Variants in ARID1A observed in about 807,000 individuals in gnomAD.
ARID1A encodes the protein AT-rich interaction domain 1A, also known as AT-rich interactive domain-containing protein 1A.
Under a neutral mutation model 212.6 loss-of-function variants are expected in ARID1A, and 20 were observed. The ratio of observed to expected loss-of-function variants is 0.09; its 90% confidence interval spans 0.07 to 0.14. The LOEUF (loss-of-function observed/expected upper bound fraction) is 0.14. Ranked by LOEUF, ARID1A falls within the 10% of genes least tolerant of loss-of-function variation. The pLI, the probability that ARID1A is intolerant of heterozygous loss-of-function variation, is 1.00. For missense variants in ARID1A, 2,587 were observed against 3,059.0 expected, an observed-to-expected ratio of 0.85 and a Z score of 3.64; for synonymous variants, 1,376 against 1,222.1, an observed-to-expected ratio of 1.13 and a Z score of -2.63.
intron 4 of ARID1A, among the ~76,000 whole-genome samples, chr1:26,737,995 C>T (rs145895295): frequency 5.3e-5 from 8 of 152,134 alleles, no homozygotes; most frequent in East Asian, 3.9e-4. Flanking sequence ...AGATCTATTC[C>T]AGACTGTATG....
chr1:26,710,010 T>G (rs1023341298), intron 1 of ARID1A, among the ~76,000 whole-genome samples: 9 of 151,162 alleles, frequency 6.0e-5, no homozygotes, highest in Non-Finnish European at 1.3e-4. Context: ...TTTTGTATTT[T>G]TAGTAGAGAC....
chr1:26,698,961 T>G (rs761392407), intron 1 of ARID1A, among the ~76,000 whole-genome samples: 10 of 152,352 alleles, frequency 6.6e-5, no homozygotes, highest in Non-Finnish European at 1.2e-4. Context: ...CACTTTCTTT[T>G]GTTAATTGAA....
chr1:26,701,837 T>C (rs1267100791), intron 1 of ARID1A, among the ~76,000 whole-genome samples: 1 of 152,242 alleles, frequency 6.6e-6, no homozygotes, highest in Non-Finnish European at 1.5e-5. Flanking sequence ...TCTACCAGAC[T>C]GTTGCCTTGA....
At position 26,771,450 on chromosome 1, in the gene ARID1A, T is replaced by A; in HGVS notation, c.3406+124T>A. ...CAAGGATCTGTGCTCTGCCTTGCCC[T>A]ACCACAGGGCTTAACAGGTTGGCTG... On this transcript the variant is annotated intron_variant, in intron 12 of 19. Transcript: ENST00000324856. This position sits in a 1 kb window ranked among gnomAD's most constrained non-coding sequence, Gnocchi z 5.4. 1.8e-6 allele frequency: 2 copies of A among 1,097,858 alleles called. No individual in the cohort carries two copies. Among genetic ancestry groups the A allele is most frequent in the Non-Finnish European group, 2.6e-6 (2 of 768,072 alleles). 68.0% of individuals were successfully genotyped at this position (1,097,858 alleles called of 1,614,324 possible).
intron 4 of ARID1A, among the ~76,000 whole-genome samples, chr1:26,749,245 G>C (rs540969652): frequency 2.6e-5 from 4 of 152,220 alleles, no homozygotes; most frequent in Admixed American, 6.5e-5. Flanking sequence ...GTGTAGCTTT[G>C]GCTCTCTCTT....
chr1:26,739,557 T>C (rs2124800554), intron 4 of ARID1A, among the ~76,000 whole-genome samples: 1 of 152,320 alleles, frequency 6.6e-6, no homozygotes, highest in South Asian at 2.1e-4. Context: ...AGAATAATAG[T>C]GGTGATTTAC....
In ARID1A at chr1:26,781,996, TTCC is replaced by T. The variant is rs1197324707; in HGVS notation, c.*1245_*1247del. On this transcript the variant is annotated 3_prime_UTR_variant, in exon 20 of 20. Coordinates refer to ENST00000324856, the MANE Select transcript of ARID1A (RefSeq NM_006015.6). ...CAATGTAGCTAAAACTTGATGTAAA[TTCC>T]TCCTTTTTTTCCTTTTTTGGCTTAA... is the stretch of plus-strand genomic sequence containing the variant. 8.6e-5 allele frequency: 20 copies of T among 233,242 alleles called. No individual in the cohort carries two copies. Among genetic ancestry groups the T allele is most frequent in the African/African-American group, 4.0e-4 (18 of 45,438 alleles). The allele number at this position is 233,242 out of a possible 1,614,324, so 14.4% of individuals were successfully genotyped here. A position where few individuals can be genotyped will look rare whatever the true frequency, so the allele number is the denominator to read the frequency against.
chr1:26,705,943 GT>G (rs1333825126), intron 1 of ARID1A, among the ~76,000 whole-genome samples: 1 of 152,202 alleles, frequency 6.6e-6, no homozygotes, highest in Admixed American at 6.5e-5. Context: ...ATGCTGCAGA[GT>G]AGGAAATTTG....
intron 2 of ARID1A, 74 bp from the exon 3 acceptor site, chr1:26,731,078 A>T: frequency 6.8e-7 from 1 of 1,461,826 alleles, no homozygotes; most frequent in Non-Finnish European, 9.5e-7. Flanking sequence ...ATCAGTGCAT[A>T]GCTTCTCACA....
chr1:26,738,950 C>T (rs1264156076), intron 4 of ARID1A, among the ~76,000 whole-genome samples: 1 of 146,770 alleles, frequency 6.8e-6, no homozygotes, highest in Non-Finnish European at 1.5e-5. Flanking sequence ...TACAGTGGTG[C>T]CATCTGGGCT....
intron 4 of ARID1A, among the ~76,000 whole-genome samples, chr1:26,735,296 A>C (rs980119485): frequency 1.4e-5 from 2 of 141,244 alleles, no homozygotes; most frequent in Non-Finnish European, 3.1e-5. Context: ...CAACTAATTT[A>C]TTTATTTATT....
rs2124096666 is a variant in ARID1A at position 26,771,119 on chromosome 1, G to C, written c.3199G>C (p.Val1067Leu). The stretch of plus-strand genomic sequence containing the variant: ...CGACTCCTTTGGTTTGGTTATACAG[G>C]TCAACAAGAACAAAAAATGGCGGGA... ...SVKEIGGLTQ[V>L]NKNKKWRELA... Residue 1067 changes from valine (V) to leucine (L), a missense_variant and splice_region_variant, in exon 12 of 20, where the codon GTC becomes CTC. This residue lies in a region of ARID1A where 44 missense variants were observed against 99.5 expected (regional missense o/e 0.44). Transcript: ENST00000324856. This position sits in a 1 kb window ranked among gnomAD's most constrained non-coding sequence, Gnocchi z 5.4. The C allele has an allele frequency of 6.2e-7, 1 of 1,614,186 alleles. No individual in the cohort carries two copies. The highest frequency in any genetic ancestry group is 8.5e-7 in the Non-Finnish European group (1 of 1,180,028).
chr1:26,778,340 T>C (rs2081156757), intron 19 of ARID1A: 1 of 151,644 alleles, frequency 6.6e-6, no homozygotes, highest in Non-Finnish European at 1.5e-5. Context: ...AAAGCCCTTA[T>C]TTTTTTTTCC....
intron 1 of ARID1A, among the ~76,000 whole-genome samples, chr1:26,724,519 C>T (rs2080598368): frequency 2.0e-5 from 3 of 152,294 alleles, no homozygotes; most frequent in Admixed American, 1.3e-4. Flanking sequence ...GTTTTGAGTT[C>T]TTGGCTCTGT....
intron 6 of ARID1A, 87 bp from the exon 7 acceptor site, chr1:26,762,065 T>C: frequency 7.1e-7 from 1 of 1,403,092 alleles, no homozygotes; most frequent in Non-Finnish European, 9.6e-7. Flanking sequence ...AAAGAAAATG[T>C]AGATGGTAAA....
intron 1 of ARID1A, among the ~76,000 whole-genome samples, chr1:26,723,984 C>T (rs915026796): frequency 2.0e-5 from 3 of 152,042 alleles, no homozygotes; most frequent in Admixed American, 6.5e-5. Context: ...ATAGCAGTGC[C>T]GACTTCCTTA....
chr1:26,748,960 G>A (rs1392870017), intron 4 of ARID1A, among the ~76,000 whole-genome samples: 1 of 151,932 alleles, frequency 6.6e-6, no homozygotes, highest in Non-Finnish European at 1.5e-5. Context: ...GTCAGGAGAT[G>A]GAGACCATCC....
chr1:26,780,413 C>T lies in ARID1A; in HGVS notation c.6515C>T (p.Ala2172Val), dbSNP rs2124149944. The change falls in exon 20 of 20, where the codon GCC (alanine) becomes GTC (valine). Residue 2172 changes from alanine (A) to valine (V), a missense_variant. Ala to Val is a moderately conservative substitution (Grantham distance 64). This residue lies in a region of ARID1A where 168 missense variants were observed against 321.0 expected (regional missense o/e 0.52). Coordinates refer to ENST00000324856, the MANE Select transcript of ARID1A (RefSeq NM_006015.6). The surrounding 1 kb of genome is among the most constrained non-coding windows in gnomAD (Gnocchi z 7.2). ...CGGGAGATGGCTGTGGTACTGCTGG[C>T]CAACCTGGCTCAGGGGGACAGCCTG... is the stretch of plus-strand genomic sequence containing the variant. Reference protein sequence around the residue: ...VCREMAVVLLANLAQGDSLAA... With the variant: ...VCREMAVVLLVNLAQGDSLAA... 1 of 1,614,218 alleles carries T rather than the reference C, an allele frequency of 6.2e-7. No individual in the cohort carries two copies.
intron 4 of ARID1A, among the ~76,000 whole-genome samples, chr1:26,748,725 G>T (rs1448576907): frequency 6.6e-6 from 1 of 151,802 alleles, no homozygotes; most frequent in Non-Finnish European, 1.5e-5. Context: ...AGCCTTTGGG[G>T]GGCAGGGTGA....
Sources: gnomAD v4.1 joint callset for allele counts (sites outside exome capture counted in the v4.1 genomes callset) on GRCh38, gnomAD v4.1.1 for gene constraint, gnomAD v4.1.1 regional missense constraint, Gnocchi (gnomAD v3.1) non-coding constraint, MANE v1.5 for transcripts, NCBI Gene and HGNC (gene_info 2026-07-23, HGNC 2026-07-21) for gene names.